CHIC1: variants seen among roughly 807,000 people sequenced by gnomAD.
CHIC1 encodes the protein cysteine rich hydrophobic domain 1.
A neutral mutation model predicts 18.5 loss-of-function variants in CHIC1; 7 were observed. That is an observed-to-expected ratio of 0.38 (90% CI 0.22 to 0.71). CHIC1 has a LOEUF of 0.71. CHIC1 is among the 30% of genes least tolerant of loss of function. The probability of loss-of-function intolerance (pLI) is 0.49; values close to 1 mark genes in which losing one functional copy is unlikely to be tolerated. For synonymous variants in CHIC1, 77 were observed against 73.5 expected (o/e 1.05, Z -0.25); for missense variants, 159 against 176.9 (o/e 0.90, Z 0.57).
intron 1 of CHIC1, among the ~76,000 whole-genome samples, chrX:73,571,545 G>A (rs2057470821): frequency 9.0e-6 from 1 of 111,265 alleles, no homozygotes; most frequent in Non-Finnish European, 1.9e-5. Flanking sequence ...TCAAGAAGCA[G>A]ATGAAGATTG....
At chrX:73,632,664 G>A (rs773804250) in intron 3 of CHIC1, among the ~76,000 whole-genome samples, 15 of 103,118 alleles carry the variant, frequency 1.5e-4, no homozygotes, top group Non-Finnish European at 2.6e-4. Context: ...TTTATGTTAT[G>A]TATCCATTGA....
chrX:73,591,338 C>T (rs1055283370), intron 3 of CHIC1, among the ~76,000 whole-genome samples: 2 of 110,128 alleles, frequency 1.8e-5, no homozygotes, highest in East Asian at 2.9e-4. Context: ...TCCAAATTCC[C>T]TCACTCACCA....
At chrX:73,623,586 C>A (rs1027675088) in intron 3 of CHIC1, among the ~76,000 whole-genome samples, 2 of 109,757 alleles carry the variant, frequency 1.8e-5, no homozygotes, top group African/African-American at 6.6e-5. Flanking sequence ...GAATTTTTTA[C>A]AAGGTTGATT....
intron 3 of CHIC1, among the ~76,000 whole-genome samples, chrX:73,615,498 C>T (rs1350591314): frequency 8.9e-6 from 1 of 112,041 alleles, no homozygotes; most frequent in Non-Finnish European, 1.9e-5. Flanking sequence ...GCTGAGCAGA[C>T]AAGTCCCCAG....
At chrX:73,584,644 C>A in intron 3 of CHIC1, 72 bp downstream of exon 3, 1 of 782,301 alleles carries the variant, frequency 1.3e-6, no homozygotes, top group Admixed American at 3.4e-5. Flanking sequence ...GTGCTATGAA[C>A]TCTTTTCAAG....
At chrX:73,607,722 G>T (rs143770726) in intron 3 of CHIC1, among the ~76,000 whole-genome samples, 2 of 108,030 alleles carry the variant, frequency 1.9e-5, no homozygotes, top group African/African-American at 3.6e-5. Context: ...GTCCCTCATG[G>T]CTTTCCTTGG....
Position 73,563,197 on chromosome X carries a change from C to A in CHIC1, c.-88C>A. On this transcript the variant is annotated 5_prime_UTR_variant, in exon 1 of 6. Transcript: ENST00000373502. ...TCCTGTCCCTACACCCCTCCTCTTT[C>A]TCTTCATTTCGTTCCCCCTCCTCTT... 2.2e-6 allele frequency: 2 copies of A among 901,613 alleles called. No individual in the cohort carries two copies. Among genetic ancestry groups the A allele is most frequent in the Non-Finnish European group, 1.4e-6 (1 of 724,341 alleles). 74.3% of individuals were successfully genotyped at this position (901,613 alleles called of 1,213,427 possible).
chrX:73,570,039 G>T lies in CHIC1; in HGVS notation c.296+6459G>T, dbSNP rs2057463466. 3.6e-5 allele frequency among the ~76,000 whole-genome samples: 4 copies of T among 111,782 alleles called. No homozygotes were observed. In the South Asian group the frequency reaches 1.5e-3, roughly 41 times the overall value. ...TATTTCTCTAGAACTTGAGCACTGG[G>T]CTAAACACTGTGAAGAATATAGAGA... On this transcript the variant is annotated intron_variant, in intron 1 of 5. Transcript: ENST00000373502.
intron 3 of CHIC1, among the ~76,000 whole-genome samples, chrX:73,640,082 G>A (rs1020199644): frequency 9.0e-6 from 1 of 111,531 alleles, no homozygotes; most frequent in Non-Finnish European, 1.9e-5. Context: ...GGAGTGGTGA[G>A]AGAAGACATC....
chrX:73,623,360 G>A (rs1289489534), intron 3 of CHIC1, among the ~76,000 whole-genome samples: 8 of 110,827 alleles, frequency 7.2e-5, no homozygotes, highest in African/African-American at 1.6e-4. Flanking sequence ...TATGAATCTC[G>A]TTGCTCCTGT....
At chrX:73,583,624 G>A (rs2057538198) in intron 2 of CHIC1, among the ~76,000 whole-genome samples, 1 of 111,177 alleles carries the variant, frequency 9.0e-6, no homozygotes, top group Non-Finnish European at 1.9e-5. Context: ...TTTAGTATAT[G>A]TTTGAATTGT....
chrX:73,603,048 A>G (rs1334835392), intron 3 of CHIC1, among the ~76,000 whole-genome samples: 5 of 108,793 alleles, frequency 4.6e-5, no homozygotes, highest in African/African-American at 1.8e-4. Flanking sequence ...ACTTCTGTGA[A>G]GAATGTTAAT....
At position 73,686,685 on chromosome X, in the gene CHIC1, C is replaced by G. The variant is rs762369621; in HGVS notation, c.*5680C>G. 1 of 111,309 alleles carries G rather than the reference C, an allele frequency of 9.0e-6. No homozygotes were observed. Among genetic ancestry groups the G allele is most frequent in the Non-Finnish European group, 1.9e-5 (1 of 52,905 alleles). The allele number at this position is 111,309 out of a possible 1,213,427, so 9.2% of individuals were successfully genotyped here. A position where few individuals can be genotyped will look rare whatever the true frequency, so the allele number is the denominator to read the frequency against. On this transcript the variant is annotated 3_prime_UTR_variant, in exon 6 of 6. Transcript: ENST00000373502. ...TATATAATCTACGAGCGAATTTGCC[C>G]TCCTTGGACTAACCACATACAAATA...
chrX:73,646,389 T>G (rs1001098412), intron 3 of CHIC1, among the ~76,000 whole-genome samples: 5 of 112,517 alleles, frequency 4.4e-5, no homozygotes, highest in African/African-American at 1.6e-4. Context: ...TGCAATCTTT[T>G]GTGGTTCCAA....
At chrX:73,584,026 T>A (rs1163260883) in intron 2 of CHIC1, among the ~76,000 whole-genome samples, 4 of 111,229 alleles carry the variant, frequency 3.6e-5, no homozygotes, top group Non-Finnish European at 7.6e-5. Flanking sequence ...CTAGTAGTAT[T>A]TGGGTTTTTT....
chrX:73,645,311 T>C (rs914228453), intron 3 of CHIC1, among the ~76,000 whole-genome samples: 2 of 112,294 alleles, frequency 1.8e-5, no homozygotes, highest in Non-Finnish European at 3.8e-5. Flanking sequence ...CATTAGTCCA[T>C]TGATGGACAC....
intron 1 of CHIC1, among the ~76,000 whole-genome samples, chrX:73,570,773 G>GA (rs1194264659): frequency 1.8e-5 from 2 of 109,875 alleles, no homozygotes; most frequent in Non-Finnish European, 3.8e-5. Context: ...TGCTTAGAAA[G>GA]AAAAAAAAGC....
At chrX:73,605,503 A>G in intron 3 of CHIC1, among the ~76,000 whole-genome samples, 1 of 108,162 alleles carries the variant, frequency 9.2e-6, no homozygotes, top group Non-Finnish European at 1.9e-5. Flanking sequence ...TTTAAGGTTA[A>G]TATTGTTATA....
At chrX:73,614,706 A>G (rs1328614445) in intron 3 of CHIC1, among the ~76,000 whole-genome samples, 1 of 110,185 alleles carries the variant, frequency 9.1e-6, no homozygotes, top group African/African-American at 3.3e-5. Flanking sequence ...TATTTCTAGA[A>G]CTTCTGTTTA....
Sources: allele counts gnomAD v4.1 joint callset (sites outside exome capture counted in the v4.1 genomes callset), GRCh38; gene constraint gnomAD v4.1.1; transcripts MANE v1.5; gene names NCBI Gene and HGNC (gene_info 2026-07-23, HGNC 2026-07-21).